Variants in PTPRO observed in about 807,000 individuals in gnomAD.
PTPRO encodes the protein protein tyrosine phosphatase receptor type O, also known as receptor-type tyrosine-protein phosphatase O.
PTPRO carries 62 observed loss-of-function variants against 145.2 expected under a neutral mutation model. That is an observed-to-expected ratio of 0.43 (90% CI 0.35 to 0.53). PTPRO has a LOEUF of 0.53. Ranked by LOEUF, PTPRO falls within the 20% of genes least tolerant of loss-of-function variation. PTPRO has a pLI of 0.01. For synonymous variants in PTPRO, 565 were observed against 514.7 expected, an observed-to-expected ratio of 1.10 and a Z score of -1.32; for missense variants, 1,345 against 1,482.7, an observed-to-expected ratio of 0.91 and a Z score of 1.53.
At chr12:15,455,985 T>C (rs253797) in intron 1 of PTPRO, among the ~76,000 whole-genome samples, 138,743 of 152,208 alleles carry the variant, frequency 0.91, 64,416 homozygotes, top group East Asian at 1. Flanking sequence ...TGCACATGTA[T>C]CCCAGAACTT....
At chr12:15,592,782 G>T (rs1015133193) in intron 25 of PTPRO, among the ~76,000 whole-genome samples, 1 of 152,164 alleles carries the variant, frequency 6.6e-6, no homozygotes, top group African/African-American at 2.4e-5. Context: ...CTAGATAAGT[G>T]ATTTGAAACT....
intron 1 of PTPRO, among the ~76,000 whole-genome samples, chr12:15,390,459 C>T (rs1163755559): frequency 2.6e-5 from 4 of 152,002 alleles, no homozygotes; most frequent in Non-Finnish European, 4.4e-5. Context: ...TTTATAAAAC[C>T]ATCAGATCTC....
At position 15,517,605 on chromosome 12, in the gene PTPRO, C is replaced by T. The variant is rs866996517; in HGVS notation, c.1779+649C>T. Among the ~76,000 whole-genome samples, 5 of 152,316 alleles carry T rather than the reference C, an allele frequency of 3.3e-5. No individual in the cohort carries two copies. The South Asian group carries it at 1.0e-3, about 32-fold the overall frequency. ...TGTAAAATCAAAAGCAAGTTAGTTA[C>T]TTCCTAGATACACTCGGGGTACAGG... On this transcript the variant is annotated intron_variant, in intron 9 of 26. Transcript: ENST00000281171.
At chr12:15,354,437 T>C (rs1195943643) in intron 1 of PTPRO, among the ~76,000 whole-genome samples, 2 of 152,230 alleles carry the variant, frequency 1.3e-5, no homozygotes, top group Non-Finnish European at 2.9e-5. Flanking sequence ...ATTGTATTTA[T>C]ACACATTATA....
At chr12:15,338,005 C>T (rs1484255364) in intron 1 of PTPRO, among the ~76,000 whole-genome samples, 1 of 152,178 alleles carries the variant, frequency 6.6e-6, no homozygotes, top group Non-Finnish European at 1.5e-5. Flanking sequence ...TAAAGTTATA[C>T]ATGTGATAAA....
chr12:15,574,500 C>T (rs1471269067), intron 19 of PTPRO, among the ~76,000 whole-genome samples: 1 of 152,150 alleles, frequency 6.6e-6, no homozygotes, highest in East Asian at 1.9e-4. Flanking sequence ...CTGCAAAGAT[C>T]AAAACAAAAC....
chr12:15,450,989 C>T (rs918366369), intron 1 of PTPRO, among the ~76,000 whole-genome samples: 1 of 152,016 alleles, frequency 6.6e-6, no homozygotes, highest in Non-Finnish European at 1.5e-5. Context: ...CATCTCAATA[C>T]TAACATTGAA....
chr12:15,392,903 G>T (rs1177738906), intron 1 of PTPRO, among the ~76,000 whole-genome samples: 2 of 152,048 alleles, frequency 1.3e-5, no homozygotes, highest in Non-Finnish European at 2.9e-5. Flanking sequence ...GTTAATGAGT[G>T]CCTCTTGTGA....
chr12:15,383,529 A>C lies in PTPRO; in HGVS notation c.75+60728A>C, dbSNP rs562184119. Among the ~76,000 whole-genome samples the C allele has an allele frequency of 3.3e-5, 5 of 152,346 alleles. No individual in the cohort carries two copies. The South Asian group carries it at 1.0e-3, about 32-fold the overall frequency. ...ATTTGAAGAGGTTGATTCTAAGCCA[A>C]ATATGAGAACCAGGGCTTATGATAC... On this transcript the variant is annotated intron_variant, in intron 1 of 26. Coordinates refer to ENST00000281171, the MANE Select transcript of PTPRO (RefSeq NM_030667.3).
At chr12:15,410,694 G>T (rs1939774860) in intron 1 of PTPRO, 1 of 152,162 alleles carries the variant, frequency 6.6e-6, no homozygotes, top group Admixed American at 6.5e-5. Flanking sequence ...TAATGAAAAT[G>T]TAAGCATTGT....
intron 1 of PTPRO, chr12:15,348,215 G>A (rs908692643): frequency 1.7e-4 from 26 of 152,216 alleles, no homozygotes; most frequent in Non-Finnish European, 3.8e-4. Flanking sequence ...AAAACTAGAA[G>A]AGGAAGGTAA....
Position 15,573,008 on chromosome 12 carries a change from A to T in PTPRO, c.2829+3510A>T, listed in dbSNP as rs1052609567. ...TTGAGAAATATGGGTTAAATATGGG[A>T]TGAGGCTACAATCAAGCTTTATAAC... On this transcript the variant is annotated intron_variant, in intron 19 of 26. Coordinates refer to ENST00000281171, the MANE Select transcript of PTPRO (RefSeq NM_030667.3). Among the ~76,000 whole-genome samples the T allele has an allele frequency of 7.9e-5, 12 of 151,808 alleles. No homozygotes were observed. The South Asian group carries it at 1.4e-3, about 18-fold the overall frequency.
At chr12:15,451,262 G>A (rs1941038548) in intron 1 of PTPRO, among the ~76,000 whole-genome samples, 1 of 151,810 alleles carries the variant, frequency 6.6e-6, no homozygotes, top group African/African-American at 2.4e-5. Context: ...ATGATAAAAG[G>A]CCTTGTTCCA....
At chr12:15,471,631 C>T (rs181909581) in intron 1 of PTPRO, among the ~76,000 whole-genome samples, 5 of 152,200 alleles carry the variant, frequency 3.3e-5, no homozygotes, top group Admixed American at 3.3e-4. Context: ...ATCATCATTG[C>T]TATTATTATT....
rs574289354 is a variant in PTPRO at position 15,459,809 on chromosome 12, G to A, written c.76-24165G>A. 3.4e-4 allele frequency among the ~76,000 whole-genome samples: 51 copies of A among 152,190 alleles called. No individual in the cohort carries two copies. In the South Asian group the frequency reaches 9.6e-3, roughly 29 times the overall value. ...ACACCAAGTTGACAAAAACTAAATCGTAAAGTATAAGATTTAGTAAAAATG... is the reference window on the plus strand; with the variant it reads ...ACACCAAGTTGACAAAAACTAAATCATAAAGTATAAGATTTAGTAAAAATG... On this transcript the variant is annotated intron_variant, in intron 1 of 26. Transcript: ENST00000281171.
chr12:15,379,954 A>G (rs1938808458), intron 1 of PTPRO, among the ~76,000 whole-genome samples: 1 of 152,214 alleles, frequency 6.6e-6, no homozygotes, highest in African/African-American at 2.4e-5. Flanking sequence ...AATGTGGATT[A>G]TATCTTAAAA....
intron 1 of PTPRO, among the ~76,000 whole-genome samples, chr12:15,478,620 G>A (rs1941709985): frequency 6.6e-6 from 1 of 152,164 alleles, no homozygotes; most frequent in Non-Finnish European, 1.5e-5. Flanking sequence ...AGGGCCAACA[G>A]GCACAGGTCA....
Position 15,546,598 on chromosome 12 carries a change from G to A in PTPRO, c.2194G>A (p.Val732Met). The stretch of plus-strand genomic sequence containing the variant: ...AGCTCCACCCAAATCACTCTTCGCA[G>A]TGAACAAAACCCAGACTTCAGTGAC... ...EPAPPKSLFA[V>M]NKTQTSVTLL... is the part of the protein sequence containing the mutation. The change falls in exon 13 of 27, where the codon GTG (valine) becomes ATG (methionine). Residue 732 changes from valine (V) to methionine (M), a missense_variant. Val to Met is a conservative substitution (Grantham distance 21, BLOSUM62 1). This residue lies in a region of PTPRO where 1,130 missense variants were observed against 1,214.7 expected (regional missense o/e 0.93). Coordinates refer to ENST00000281171, the MANE Select transcript of PTPRO (RefSeq NM_030667.3). The A allele has an allele frequency of 6.2e-7, 1 of 1,612,148 alleles. No individual in the cohort carries two copies. Among genetic ancestry groups the A allele is most frequent in the Non-Finnish European group, 8.5e-7 (1 of 1,178,992 alleles).
chr12:15,400,085 G>C (rs2136297852), intron 1 of PTPRO, among the ~76,000 whole-genome samples: 1 of 149,242 alleles, frequency 6.7e-6, no homozygotes, highest in South Asian at 2.1e-4. Context: ...CAGGTTCGAG[G>C]GTTCAAGCGA....
Sources: allele counts gnomAD v4.1 joint callset (sites outside exome capture counted in the v4.1 genomes callset), GRCh38; gene constraint gnomAD v4.1.1; regional missense constraint gnomAD v4.1.1; transcripts MANE v1.5; gene names NCBI Gene and HGNC (gene_info 2026-07-23, HGNC 2026-07-21).